Variants in TRPS1 observed in about 807,000 individuals in gnomAD.
TRPS1 encodes transcriptional repressor GATA binding 1.
In TRPS1, 6 loss-of-function variants were observed where a neutral mutation model predicts 101.2. The ratio of observed to expected loss-of-function variants is 0.06; its 90% CI spans 0.03 to 0.12. The LOEUF is 0.12. Ranked by LOEUF, TRPS1 falls within the 10% of genes least tolerant of loss-of-function variation. The probability of loss-of-function intolerance (pLI) is 1.00; values close to 1 mark genes in which losing one functional copy is unlikely to be tolerated. For missense variants in TRPS1, 1,363 were observed against 1,567.0 expected (o/e 0.87, Z 2.20); for synonymous variants, 578 against 589.8 (o/e 0.98, Z 0.29).
At chr8:115,416,085 G>T (rs564740212) in intron 6 of TRPS1, among the ~76,000 whole-genome samples, 1 of 151,732 alleles carries the variant, frequency 6.6e-6, no homozygotes, top group East Asian at 1.9e-4. Context: ...CATTAGTTTT[G>T]TGTTGAAAAT....
chr8:115,423,095 G>C (rs1388632550), intron 5 of TRPS1, among the ~76,000 whole-genome samples: 1 of 152,206 alleles, frequency 6.6e-6, no homozygotes, highest in Non-Finnish European at 1.5e-5. Flanking sequence ...CATCTACGTG[G>C]TTTGAACAGA....
chr8:115,506,076 A>G (rs548198717), intron 5 of TRPS1, among the ~76,000 whole-genome samples: 3 of 152,250 alleles, frequency 2.0e-5, no homozygotes, highest in Non-Finnish European at 4.4e-5. Flanking sequence ...ATTTATTTGC[A>G]GTGAAAGTTA....
At chr8:115,525,491 G>A (rs1466950347) in intron 5 of TRPS1, among the ~76,000 whole-genome samples, 1 of 151,984 alleles carries the variant, frequency 6.6e-6, no homozygotes, top group Non-Finnish European at 1.5e-5. Flanking sequence ...GTGGTGGTGG[G>A]ACAGGCAGCA....
intron 5 of TRPS1, among the ~76,000 whole-genome samples, chr8:115,480,064 G>A (rs1344156033): frequency 1.3e-5 from 2 of 152,096 alleles, no homozygotes; most frequent in Non-Finnish European, 2.9e-5. Flanking sequence ...CATAGTATTT[G>A]CTTTAATTTG....
chr8:115,648,085 G>A (rs542687145), intron 1 of TRPS1, among the ~76,000 whole-genome samples: 2 of 152,168 alleles, frequency 1.3e-5, no homozygotes, highest in South Asian at 2.1e-4. Flanking sequence ...AAATCAGAGC[G>A]TCAAATCAAG....
chr8:115,611,884 T>C (rs574170664), intron 3 of TRPS1, among the ~76,000 whole-genome samples: 113 of 152,278 alleles, frequency 7.4e-4, no homozygotes, highest in Middle Eastern at 3.4e-3. Flanking sequence ...TCTGGAAGAA[T>C]AGTGAGATTT....
intron 3 of TRPS1, among the ~76,000 whole-genome samples, chr8:115,617,235 C>T (rs1317179940): frequency 6.6e-6 from 1 of 152,164 alleles, no homozygotes; most frequent in Admixed American, 6.5e-5. Flanking sequence ...CCTGCATGCT[C>T]TTTCCTACCA....
At chr8:115,583,789 A>T (rs987986419) in intron 5 of TRPS1, among the ~76,000 whole-genome samples, 7 of 152,044 alleles carry the variant, frequency 4.6e-5, no homozygotes, top group Non-Finnish European at 8.8e-5. Context: ...TTATATCAAG[A>T]TCAATTCCAT....
rs1055314719 is a variant in TRPS1, at chr8:115,442,862, C to T, written c.2701-24410G>A. On this transcript the variant is annotated intron_variant, in intron 5 of 6. Transcript: ENST00000395715. ...ATCCCAGCACTTTGGGAGACTGGGGCGGGTGGATCACGACGTCAGGAGATC... is the reference window on the plus strand; with the variant it reads ...ATCCCAGCACTTTGGGAGACTGGGGTGGGTGGATCACGACGTCAGGAGATC... Among the ~76,000 whole-genome samples the T allele has an allele frequency of 2.6e-5, 4 of 151,680 alleles. No homozygotes were observed. In the East Asian group the frequency reaches 7.8e-4, roughly 30 times the overall value.
chr8:115,426,928 G>T (rs1813201501), intron 5 of TRPS1, among the ~76,000 whole-genome samples: 1 of 152,036 alleles, frequency 6.6e-6, no homozygotes, highest in African/African-American at 2.4e-5. Context: ...TAGCATCAAA[G>T]AACACATTCT....
intron 2 of TRPS1, among the ~76,000 whole-genome samples, chr8:115,622,816 A>G (rs1388482625): frequency 6.6e-6 from 1 of 152,152 alleles, no homozygotes; most frequent in African/African-American, 2.4e-5. Context: ...CCTTCCATCA[A>G]AATGATGAGA....
intron 3 of TRPS1, among the ~76,000 whole-genome samples, chr8:115,606,217 G>A (rs1482110032): frequency 6.6e-6 from 1 of 152,100 alleles, no homozygotes; most frequent in East Asian, 1.9e-4. Context: ...TAATATTGCT[G>A]TAGTACACTG....
At chr8:115,547,567 C>T (rs1816605016) in intron 5 of TRPS1, among the ~76,000 whole-genome samples, 1 of 152,150 alleles carries the variant, frequency 6.6e-6, no homozygotes, top group African/African-American at 2.4e-5. Context: ...AGAAGGCAGT[C>T]ACCGTAATTA....
At chr8:115,623,432 T>C (rs1340116558) in intron 2 of TRPS1, among the ~76,000 whole-genome samples, 169 bp downstream of exon 2, 2 of 152,068 alleles carry the variant, frequency 1.3e-5, no homozygotes. Flanking sequence ...ACATTTGTCA[T>C]ACTTCTAAGT....
chr8:115,543,265 A>T (rs1379108074), intron 5 of TRPS1, among the ~76,000 whole-genome samples: 2 of 152,192 alleles, frequency 1.3e-5, no homozygotes, highest in Non-Finnish European at 2.9e-5. Flanking sequence ...TACCACATAG[A>T]GGTGACAAGG....
At chr8:115,610,038 T>TA (rs767870492) in intron 3 of TRPS1, among the ~76,000 whole-genome samples, 64 of 152,306 alleles carry the variant, frequency 4.2e-4, no homozygotes, top group Admixed American at 8.5e-4. Flanking sequence ...TCAGAGCTCT[T>TA]AAAATGACAC....
intron 1 of TRPS1, among the ~76,000 whole-genome samples, chr8:115,628,278 C>T (rs996726873): frequency 4.6e-5 from 7 of 151,794 alleles, no homozygotes; most frequent in Admixed American, 3.9e-4. Context: ...CAACAGATAA[C>T]ACAAACATTA....
intron 5 of TRPS1, among the ~76,000 whole-genome samples, chr8:115,463,472 A>G (rs1377568445): frequency 6.6e-6 from 1 of 152,178 alleles, no homozygotes; most frequent in Non-Finnish European, 1.5e-5. Flanking sequence ...ACAATGACAG[A>G]ATTCATGTAA....
chr8:115,496,764 ATAAC>A lies in TRPS1; in HGVS notation c.2701-78316_2701-78313del, dbSNP rs1815158809. On this transcript the variant is annotated intron_variant, in intron 5 of 6. Coordinates refer to ENST00000395715, the MANE Select transcript of TRPS1 (RefSeq NM_014112.5). The stretch of plus-strand genomic sequence containing the variant: ...CTCACTGAATTCTGACTTTTTCAAA[ATAAC>A]TAGTAGTCTATACCGTGAAGTCCTG... Among the ~76,000 whole-genome samples the A allele has an allele frequency of 2.0e-5, 3 of 152,302 alleles. No individual in the cohort carries two copies. In the South Asian group the frequency reaches 6.2e-4, roughly 32 times the overall value.
Sources: gnomAD v4.1 joint callset for allele counts (sites outside exome capture counted in the v4.1 genomes callset) on GRCh38, gnomAD v4.1.1 for gene constraint, MANE v1.5 for transcripts, NCBI Gene and HGNC (gene_info 2026-07-23, HGNC 2026-07-21) for gene names.